CHRM3: variants seen among roughly 807,000 people sequenced by gnomAD.
The protein encoded by CHRM3 is cholinergic receptor muscarinic 3.
CHRM3 carries 11 observed loss-of-function variants against 41.8 expected under a neutral mutation model. The ratio of observed to expected loss-of-function variants is 0.26; its 90% CI spans 0.17 to 0.44. The LOEUF is 0.44. Among genes scored for constraint, CHRM3 ranks in the 20% least tolerant of loss-of-function variants. The pLI is 1.00. For missense variants in CHRM3, 571 were observed against 745.4 expected (o/e 0.77, Z 2.72); for synonymous variants, 297 against 301.4 (o/e 0.99, Z 0.15).
intron 1 of CHRM3, among the ~76,000 whole-genome samples, chr1:239,485,705 C>T (rs911487949): frequency 3.9e-5 from 6 of 152,018 alleles, no homozygotes; most frequent in Admixed American, 3.9e-4. Flanking sequence ...TGCCTTGAAC[C>T]CTCTCTAGCT....
At chr1:239,413,204 CT>C (rs1661242682) in intron 1 of CHRM3, among the ~76,000 whole-genome samples, 1 of 152,172 alleles carries the variant, frequency 6.6e-6, no homozygotes, top group Non-Finnish European at 1.5e-5. Flanking sequence ...ACCTTCCACC[CT>C]TTGGCCCAAC....
chr1:239,677,507 G>A (rs999670673), intron 4 of CHRM3, among the ~76,000 whole-genome samples: 1 of 152,178 alleles, frequency 6.6e-6, no homozygotes, highest in African/African-American at 2.4e-5. Context: ...AATTTTGGGG[G>A]CTGGGAAGTC....
intron 4 of CHRM3, among the ~76,000 whole-genome samples, chr1:239,659,330 G>C (rs1387117453): frequency 6.6e-6 from 1 of 152,038 alleles, no homozygotes; most frequent in African/African-American, 2.4e-5. Flanking sequence ...TCTCCCTCTT[G>C]TCTGGAGGAA....
At chr1:239,711,512 A>G (rs1012594836) in intron 5 of CHRM3, among the ~76,000 whole-genome samples, 1 of 151,884 alleles carries the variant, frequency 6.6e-6, no homozygotes, top group South Asian at 2.1e-4. Flanking sequence ...AGAAATAATA[A>G]ATTATTGTTA....
intron 6 of CHRM3, among the ~76,000 whole-genome samples, chr1:239,881,304 A>AAAAAAAAAAAAAC: frequency 6.6e-6 from 1 of 150,420 alleles, no homozygotes; most frequent in East Asian, 1.9e-4. Flanking sequence ...AAAAAAAAAA[A>AAAAAAAAAAAAAC]AAGAATACAA....
intron 6 of CHRM3, among the ~76,000 whole-genome samples, chr1:239,874,305 A>ATATACACAG (rs1676909505): frequency 8.4e-6 from 1 of 119,330 alleles, no homozygotes; most frequent in Non-Finnish European, 1.7e-5. Flanking sequence ...ATATATATAT[A>ATATACACAG]TATATATATA....
intron 1 of CHRM3, among the ~76,000 whole-genome samples, chr1:239,438,322 T>A (rs1355306395): frequency 6.6e-6 from 1 of 152,126 alleles, no homozygotes; most frequent in African/African-American, 2.4e-5. Flanking sequence ...ACACACACAC[T>A]CAAGTAAAGC....
chr1:239,637,517 CTTTTTTTTTTTTTT>C (rs149963225), intron 4 of CHRM3, among the ~76,000 whole-genome samples: 1 of 48,514 alleles, frequency 2.1e-5, no homozygotes, highest in Admixed American at 2.7e-4. Flanking sequence ...TCATCAAAGT[CTTTTTTTTTTTTTT>C]TTTTTTTTTT....
intron 1 of CHRM3, among the ~76,000 whole-genome samples, chr1:239,408,926 G>C (rs1023987956): frequency 3.3e-5 from 5 of 151,988 alleles, no homozygotes; most frequent in African/African-American, 1.2e-4. Flanking sequence ...CCGGCCTCCA[G>C]AATGCTCTTG....
At chr1:239,794,342 G>A (rs1181828880) in intron 5 of CHRM3, among the ~76,000 whole-genome samples, 1 of 150,960 alleles carries the variant, frequency 6.6e-6, no homozygotes, top group Non-Finnish European at 1.5e-5. Flanking sequence ...ACCTTAGTTA[G>A]AGTTACCTTT....
chr1:239,708,129 T>C (rs1269792364), intron 5 of CHRM3, among the ~76,000 whole-genome samples: 1 of 152,230 alleles, frequency 6.6e-6, no homozygotes, highest in Non-Finnish European at 1.5e-5. Flanking sequence ...TAACACTTTA[T>C]GTTTCAGACT....
intron 1 of CHRM3, among the ~76,000 whole-genome samples, chr1:239,440,303 T>TCA (rs112219272): frequency 2.1e-4 from 31 of 148,734 alleles, no homozygotes; most frequent in African/African-American, 7.2e-4. Flanking sequence ...TGAAAATGAG[T>TCA]CACACACACA....
intron 5 of CHRM3, among the ~76,000 whole-genome samples, chr1:239,723,304 A>G (rs796553551): frequency 8.5e-5 from 13 of 152,086 alleles, no homozygotes; most frequent in African/African-American, 3.1e-4. Context: ...AAGGAAAAAA[A>G]TAAATGCATT....
intron 1 of CHRM3, among the ~76,000 whole-genome samples, chr1:239,416,481 T>C (rs2103073716): frequency 6.6e-6 from 1 of 152,314 alleles, no homozygotes; most frequent in South Asian, 2.1e-4. Context: ...TGAAATATAC[T>C]TTTATCTTCT....
chr1:239,800,979 T>A (rs913040592), intron 5 of CHRM3, among the ~76,000 whole-genome samples: 9 of 152,198 alleles, frequency 5.9e-5, no homozygotes, highest in Admixed American at 5.9e-4. Context: ...CATTTCTTAT[T>A]TTCTCTTAGG....
intron 2 of CHRM3, among the ~76,000 whole-genome samples, chr1:239,515,419 T>G (rs1020562342): frequency 8.6e-5 from 13 of 151,452 alleles, no homozygotes; most frequent in African/African-American, 3.1e-4. Context: ...TTTGTTTTTT[T>G]TTTTTTTAAT....
intron 3 of CHRM3, among the ~76,000 whole-genome samples, chr1:239,592,384 T>A (rs1664275184): frequency 2.0e-5 from 3 of 152,170 alleles, no homozygotes; most frequent in Non-Finnish European, 4.4e-5. Flanking sequence ...CAATTAATTT[T>A]GGTACATCTC....
chr1:239,733,083 G>C (rs149381308), intron 5 of CHRM3, among the ~76,000 whole-genome samples: 2 of 152,132 alleles, frequency 1.3e-5, no homozygotes, highest in African/African-American at 4.8e-5. Context: ...TTGCCTAAAT[G>C]CCATTTTATT....
At chr1:239,864,200 A>T (rs638311) in intron 6 of CHRM3, among the ~76,000 whole-genome samples, 69,772 of 151,912 alleles carry the variant, frequency 0.46, 17,638 homozygotes, top group East Asian at 0.56. Flanking sequence ...CCCCCACCAA[A>T]AAAACTCTGA....
Sources: gnomAD v4.1 joint callset for allele counts (sites outside exome capture counted in the v4.1 genomes callset) on GRCh38, gnomAD v4.1.1 for gene constraint, MANE v1.5 for transcripts, NCBI Gene and HGNC (gene_info 2026-07-23, HGNC 2026-07-21) for gene names.